Variants in PTPRD observed in about 807,000 individuals in gnomAD.
PTPRD encodes receptor-type tyrosine-protein phosphatase delta.
In PTPRD, 34 loss-of-function variants were observed where a neutral mutation model predicts 214.5. The ratio of observed to expected loss-of-function variants is 0.16; its 90% CI spans 0.12 to 0.21. PTPRD has a LOEUF of 0.21. Ranked by LOEUF, PTPRD falls within the 10% of genes least tolerant of loss-of-function variation. The pLI is 1.00. For synonymous variants in PTPRD, 1,128 were observed against 845.7 expected (o/e 1.33, Z -5.79); for missense variants, 2,545 against 2,398.7 (o/e 1.06, Z -1.27).
intron 10 of PTPRD, among the ~76,000 whole-genome samples, chr9:9,104,351 G>A (rs955209047): frequency 1.3e-5 from 2 of 152,084 alleles, no homozygotes; most frequent in African/African-American, 4.8e-5. Flanking sequence ...ATCATTTTTA[G>A]AATATGGGCT....
At chr9:10,025,080 G>T (rs200735236) in intron 4 of PTPRD, among the ~76,000 whole-genome samples, 2 of 151,660 alleles carry the variant, frequency 1.3e-5, no homozygotes, top group South Asian at 4.2e-4. Context: ...GAATAGTGCC[G>T]CAATAAACAT....
At chr9:10,375,270 G>C (rs2097705831) in intron 2 of PTPRD, among the ~76,000 whole-genome samples, 1 of 151,990 alleles carries the variant, frequency 6.6e-6, no homozygotes, top group South Asian at 2.1e-4. Flanking sequence ...ATTATATACA[G>C]AATGCTTTGG....
At chr9:9,794,163 A>G (rs1213886714) in intron 5 of PTPRD, among the ~76,000 whole-genome samples, 1 of 150,206 alleles carries the variant, frequency 6.7e-6, no homozygotes, top group African/African-American at 2.5e-5. Context: ...GTACATGTAT[A>G]TATATATATA....
At chr9:9,326,497 A>G (rs2039958274) in intron 9 of PTPRD, among the ~76,000 whole-genome samples, 1 of 152,122 alleles carries the variant, frequency 6.6e-6, no homozygotes, top group Non-Finnish European at 1.5e-5. Context: ...TATGATTGCA[A>G]AGCTAGTAAG....
rs2098752837 is a variant in PTPRD, at chr9:10,118,902, T to TAAATAAATAAATAAA, written c.-544-85113_-544-85112insTTTATTTATTTATTT. On this transcript the variant is annotated intron_variant, in intron 3 of 45. Transcript: ENST00000381196. Reference sequence around the variant, plus strand: ...AATAAATAAATAAATAAATAAATAATAATAAAGGAGATGAAGGAAGAGGGC... The same window carrying TAAATAAATAAATAAA: ...AATAAATAAATAAATAAATAAATAATAAATAAATAAATAAAAATAAAGGAGATGAAGGAAGAGGGC... Among the ~76,000 whole-genome samples the TAAATAAATAAATAAA allele has an allele frequency of 1.2e-4, 15 of 128,606 alleles. No individual in the cohort carries two copies. The South Asian group carries it at 4.3e-3, about 37-fold the overall frequency. 84.4% of individuals were successfully genotyped at this position (128,606 alleles called of 152,430 possible). A position where few individuals can be genotyped will look rare whatever the true frequency, so the allele number is the denominator to read the frequency against.
In PTPRD at chr9:9,779,078, C is replaced by CAAAAAA. The variant is rs869120926; in HGVS notation, c.-367-12233_-367-12228dup. Reference sequence around the variant, plus strand: ...GCCATGTGATCTTTCATAAGACTGACAAAAAAAAAAAAAAAAAAAAAAAAA... The same window carrying CAAAAAA: ...GCCATGTGATCTTTCATAAGACTGACAAAAAAAAAAAAAAAAAAAAAAAAAAAAAAA... On this transcript the variant is annotated intron_variant, in intron 5 of 45. Coordinates refer to ENST00000381196, the MANE Select transcript of PTPRD (RefSeq NM_002839.4). 4.0e-4 allele frequency among the ~76,000 whole-genome samples: 18 copies of CAAAAAA among 45,482 alleles called. 1 individual carries two copies. The highest frequency in any genetic ancestry group is 1.2e-3 in the Admixed American group (4 of 3,278). The allele number at this position is 45,482 out of a possible 152,430, so 29.8% of individuals were successfully genotyped here.
chr9:8,454,292 A>C lies in PTPRD; in HGVS notation c.3876-4455T>G, dbSNP rs532895363. The stretch of plus-strand genomic sequence containing the variant: ...CTGCTCTGTAAACACATCAACACAC[A>C]CAAATGCCCATTTTAATCTTGACCA... On this transcript the variant is annotated intron_variant, in intron 33 of 45. Coordinates refer to ENST00000381196, the MANE Select transcript of PTPRD (RefSeq NM_002839.4). Among the ~76,000 whole-genome samples, 4 of 152,356 alleles carry C rather than the reference A, an allele frequency of 2.6e-5. No homozygotes were observed. The South Asian group carries it at 8.3e-4, about 32-fold the overall frequency.
At chr9:8,789,699 A>T (rs879670309) in intron 11 of PTPRD, among the ~76,000 whole-genome samples, 6 of 152,194 alleles carry the variant, frequency 3.9e-5, no homozygotes, top group African/African-American at 1.4e-4. Context: ...AATGAGTTAC[A>T]ATCAGAAACA....
At chr9:9,780,049 A>G (rs2147067) in intron 5 of PTPRD, among the ~76,000 whole-genome samples, 69,422 of 151,992 alleles carry the variant, frequency 0.46, 16,293 homozygotes, top group East Asian at 0.7. Flanking sequence ...TTTTAAAGAG[A>G]TACATATACA....
chr9:9,689,092 TGTGA>T (rs1207320403), intron 7 of PTPRD, among the ~76,000 whole-genome samples: 17 of 151,934 alleles, frequency 1.1e-4, no homozygotes, highest in South Asian at 2.1e-4. Flanking sequence ...ATTTAAAGAA[TGTGA>T]GTGTTTTTAT....
At chr9:9,520,694 G>C (rs2096950080) in intron 8 of PTPRD, among the ~76,000 whole-genome samples, 1 of 152,164 alleles carries the variant, frequency 6.6e-6, no homozygotes, top group African/African-American at 2.4e-5. Context: ...GGCAGCTGGA[G>C]AAACCTTTTA....
At chr9:10,469,658 G>C (rs569478500) in intron 2 of PTPRD, among the ~76,000 whole-genome samples, 1 of 152,180 alleles carries the variant, frequency 6.6e-6, no homozygotes, top group East Asian at 1.9e-4. Context: ...CTACTGCTGA[G>C]TATATATCCA....
chr9:8,862,654 G>T (rs560308399), intron 11 of PTPRD, among the ~76,000 whole-genome samples: 1 of 152,266 alleles, frequency 6.6e-6, no homozygotes, highest in Non-Finnish European at 1.5e-5. Context: ...GACATGTTGT[G>T]CAATCATTTA....
At chr9:9,112,888 TGAG>T (rs57076741) in intron 10 of PTPRD, among the ~76,000 whole-genome samples, 2,097 of 152,026 alleles carry the variant, frequency 0.014, 37 homozygotes, top group East Asian at 0.069. Context: ...AAACCTTTGA[TGAG>T]GAAAAAAATG....
chr9:9,611,687 T>G (rs2094522869), intron 7 of PTPRD, among the ~76,000 whole-genome samples: 2 of 152,084 alleles, frequency 1.3e-5, no homozygotes, highest in African/African-American at 2.4e-5. Context: ...CATTGACATA[T>G]GTATGTATAT....
At chr9:9,650,163 T>C (rs201270194) in intron 7 of PTPRD, among the ~76,000 whole-genome samples, 1 of 152,090 alleles carries the variant, frequency 6.6e-6, no homozygotes, top group African/African-American at 2.4e-5. Context: ...TTTAAAAGTG[T>C]GCAGTGGTTT....
At chr9:9,324,530 T>A in intron 9 of PTPRD, among the ~76,000 whole-genome samples, 1 of 152,306 alleles carries the variant, frequency 6.6e-6, no homozygotes, top group Non-Finnish European at 1.5e-5. Context: ...CACTTTTTGA[T>A]GGGGTTGTTT....
At chr9:9,183,638 G>A (rs1048007431) in intron 9 of PTPRD, among the ~76,000 whole-genome samples, 9 of 151,970 alleles carry the variant, frequency 5.9e-5, no homozygotes, top group African/African-American at 1.7e-4. Flanking sequence ...AAACTAACAT[G>A]TCCACCATAA....
At chr9:10,079,604 T>C (rs951755965) in intron 3 of PTPRD, among the ~76,000 whole-genome samples, 1 of 152,112 alleles carries the variant, frequency 6.6e-6, no homozygotes, top group African/African-American at 2.4e-5. Flanking sequence ...GCTAATTCTA[T>C]GATATTGAAT....
Sources: gnomAD v4.1 joint callset for allele counts (sites outside exome capture counted in the v4.1 genomes callset) on GRCh38, gnomAD v4.1.1 for gene constraint, MANE v1.5 for transcripts, NCBI Gene and HGNC (gene_info 2026-07-23, HGNC 2026-07-21) for gene names.